The following PKD1L1 variants were observed in gnomAD, a reference collection of about 807,000 sequenced individuals.
PKD1L1 encodes polycystin 1 like 1, transient receptor potential channel interacting.
PKD1L1 carries 236 observed loss-of-function variants against 323.4 expected under a neutral mutation model. The observed-to-expected ratio is 0.73, with a 90% CI of 0.66 to 0.81. The LOEUF is 0.81. Among genes scored for constraint, PKD1L1 ranks in the 40% least tolerant of loss-of-function variants. The pLI is 0.00. For missense variants in PKD1L1, 3,320 were observed against 3,508.0 expected (o/e 0.95, Z 1.35); for synonymous variants, 1,344 against 1,335.0 (o/e 1.01, Z -0.15).
At chr7:47,914,004 T>C (rs951512139) in intron 8 of PKD1L1, among the ~76,000 whole-genome samples, 3 of 152,006 alleles carry the variant, frequency 2.0e-5, no homozygotes, top group Non-Finnish European at 1.5e-5. Flanking sequence ...GGTGAAAGCA[T>C]ATATGAGAAA....
At chr7:47,872,678 A>C (rs6950006) in intron 24 of PKD1L1, among the ~76,000 whole-genome samples, 49,624 of 152,030 alleles carry the variant, frequency 0.33, 8,685 homozygotes, top group African/African-American at 0.44. Flanking sequence ...GTGAACAAAA[A>C]GACAATAACC....
intron 46 of PKD1L1, chr7:47,819,641 C>CA: frequency 2.8e-6 from 3 of 1,066,552 alleles, no homozygotes; most frequent in Admixed American, 2.6e-5. Context: ...CAATGCTCAG[C>CA]AGAAAAAAAA....
At chr7:47,943,784 G>A (rs1788045033) in intron 1 of PKD1L1, among the ~76,000 whole-genome samples, 1 of 152,156 alleles carries the variant, frequency 6.6e-6, no homozygotes, top group Admixed American at 6.5e-5. Context: ...TCTTCCTGCT[G>A]CCTCCAGGGC....
At chr7:47,862,350 T>C (rs989910517) in intron 26 of PKD1L1, among the ~76,000 whole-genome samples, 1 of 151,862 alleles carries the variant, frequency 6.6e-6, no homozygotes. Flanking sequence ...CTGGAGGTTG[T>C]TGGAGTGGAG....
intron 45 of PKD1L1, among the ~76,000 whole-genome samples, chr7:47,824,653 G>T (rs1785207554): frequency 6.6e-6 from 1 of 152,074 alleles, no homozygotes. Flanking sequence ...TTTATTTAGG[G>T]TGAGCGGATC....
chr7:47,952,842 G>A (rs1478266237), upstream of PKD1L1, among the ~76,000 whole-genome samples: 1 of 152,174 alleles, frequency 6.6e-6, no homozygotes, highest in Non-Finnish European at 1.5e-5. Flanking sequence ...TAGGTACTCT[G>A]TCTTATATAA....
intron 47 of PKD1L1, 21 bp from the exon 48 acceptor site, chr7:47,814,035 AT>A (rs1784962923): frequency 6.2e-7 from 1 of 1,605,708 alleles, no homozygotes; most frequent in Non-Finnish European, 8.5e-7. Context: ...AAAAAAGATG[AT>A]GAGGACTGGG....
rs536935522 is a variant in PKD1L1, at chr7:47,833,312, G to C, written c.6175-60C>G. On this transcript the variant is annotated intron_variant, in intron 40 of 56. Transcript: ENST00000289672. ...CCACAGACAGGGCTTCACACGTGAC[G>C]CTCAACAGTGGTGTGGCTTGCCGCC... is the stretch of plus-strand genomic sequence containing the variant. The C allele has an allele frequency of 5.8e-6, 9 of 1,549,654 alleles. No individual in the cohort carries two copies. In the African/African-American group the frequency reaches 9.5e-5, roughly 16 times the overall value.
At chr7:47,934,584 AAAC>A (rs562867705) in intron 4 of PKD1L1, among the ~76,000 whole-genome samples, 65 of 152,180 alleles carry the variant, frequency 4.3e-4, no homozygotes, top group African/African-American at 1.5e-3. Context: ...TTCTTTAGGA[AAAC>A]AACAACAACA....
chr7:47,893,731 T>A, intron 15 of PKD1L1, 147 bp downstream of exon 15: 1 of 787,868 alleles, frequency 1.3e-6, no homozygotes, highest in Non-Finnish European at 2.0e-6. Context: ...TCCCTTATAT[T>A]TTGTTCCTAA....
At chr7:47,784,941 C>A (rs1786775312) in intron 56 of PKD1L1, among the ~76,000 whole-genome samples, 1 of 152,122 alleles carries the variant, frequency 6.6e-6, no homozygotes, top group Admixed American at 6.6e-5. Flanking sequence ...ACATCACCCA[C>A]CACTTCTTTT....
At chr7:47,877,291 G>A (rs1234622134) in intron 22 of PKD1L1, among the ~76,000 whole-genome samples, 198 bp downstream of exon 22, 1 of 152,142 alleles carries the variant, frequency 6.6e-6, no homozygotes, top group Admixed American at 6.5e-5. Context: ...CAACCAGGGG[G>A]CCACTTTGCA....
At chr7:47,956,389 G>C in the PKD1L1 span, among the ~76,000 whole-genome samples, 1 of 152,180 alleles carries the variant, frequency 6.6e-6, no homozygotes, top group Non-Finnish European at 1.5e-5. Flanking sequence ...AGCCTGCTAG[G>C]TGTAAATTAG....
rs201631458 is a variant in PKD1L1 at position 47,915,074 on chromosome 7, GAC to G, written c.1228+356_1228+357del. Among the ~76,000 whole-genome samples, 356 of 151,230 alleles carry G rather than the reference GAC, an allele frequency of 2.4e-3. 2 individuals are homozygous for G. The highest frequency in any genetic ancestry group is 8.5e-3 in the African/African-American group (344 of 40,474). Reference sequence around the variant, plus strand: ...AAGCAGTTCACAAAAGAGGCCACATGACATGTGAAAATTTTAAATGTAAATAA... The same window carrying G: ...AAGCAGTTCACAAAAGAGGCCACATGATGTGAAAATTTTAAATGTAAATAA... On this transcript the variant is annotated intron_variant, in intron 8 of 56. Coordinates refer to ENST00000289672, the MANE Select transcript of PKD1L1 (RefSeq NM_138295.5).
intron 45 of PKD1L1, among the ~76,000 whole-genome samples, chr7:47,826,869 A>T (rs115013438): frequency 1.9e-3 from 285 of 152,374 alleles, no homozygotes; most frequent in African/African-American, 6.7e-3. Flanking sequence ...ATATCTGAAT[A>T]TTAAACTTAT....
chr7:47,829,765 T>C (rs978017864), intron 43 of PKD1L1, among the ~76,000 whole-genome samples, 164 bp from the exon 44 acceptor site: 3 of 152,202 alleles, frequency 2.0e-5, no homozygotes, highest in African/African-American at 7.2e-5. Context: ...TCACCAGGCA[T>C]GGCCCCGCCC....
At chr7:47,909,534 ACAGAACGTGGGC>A (rs1268508334) in intron 8 of PKD1L1, among the ~76,000 whole-genome samples, 3 of 152,362 alleles carry the variant, frequency 2.0e-5, no homozygotes, top group African/African-American at 7.2e-5. Flanking sequence ...GCATCTGACT[ACAGAACGTGGGC>A]CAGGTTTCCC....
intron 21 of PKD1L1, 91 bp from the exon 22 acceptor site, chr7:47,877,722 G>T: frequency 7.0e-7 from 1 of 1,438,030 alleles, no homozygotes. Context: ...TTATAGCAGG[G>T]GTTCTCAAAG....
At position 47,858,999 on chromosome 7, in the gene PKD1L1, T is replaced by C. The variant is rs2053985; in HGVS notation, c.4150-114A>G. 198,170 of 1,360,280 alleles carry C rather than the reference T, an allele frequency of 0.15. 15,657 individuals are homozygous for C. The highest frequency in any genetic ancestry group is 0.18 in the African/African-American group (12,470 of 68,722). 84.3% of individuals were successfully genotyped at this position (1,360,280 alleles called of 1,614,324 possible). A position where few individuals can be genotyped will look rare whatever the true frequency, so the allele number is the denominator to read the frequency against. On this transcript the variant is annotated intron_variant, in intron 26 of 56. Coordinates refer to ENST00000289672, the MANE Select transcript of PKD1L1 (RefSeq NM_138295.5). Reference sequence around the variant, plus strand: ...AGCTTAGCTGCATGAACAGAAAAGATGTAAATAAAGTGCCTCATGGCATAT... The same window carrying C: ...AGCTTAGCTGCATGAACAGAAAAGACGTAAATAAAGTGCCTCATGGCATAT...
Sources: gnomAD v4.1 joint callset for allele counts (sites outside exome capture counted in the v4.1 genomes callset) on GRCh38, gnomAD v4.1.1 for gene constraint, MANE v1.5 for transcripts, NCBI Gene and HGNC (gene_info 2026-07-23, HGNC 2026-07-21) for gene names.